The following CXADR variants were observed in gnomAD, a reference collection of about 807,000 sequenced individuals.
CXADR encodes CXADR cell adhesion molecule.
CXADR carries 20 observed loss-of-function variants against 40.3 expected under a neutral mutation model. The observed-to-expected ratio is 0.50, with a 90% CI of 0.35 to 0.72. CXADR has a LOEUF of 0.72. Ranked by LOEUF, CXADR falls within the 30% of genes least tolerant of loss-of-function variation. The probability of loss-of-function intolerance (pLI) is 0.01; values close to 1 mark genes in which losing one functional copy is unlikely to be tolerated. For missense variants in CXADR, 332 were observed against 449.1 expected (o/e 0.74, Z 2.36); for synonymous variants, 150 against 161.3 (o/e 0.93, Z 0.53).
chr21:17,624,632 A>C, the CXADR span, among the ~76,000 whole-genome samples: 6 of 152,184 alleles, frequency 3.9e-5, no homozygotes, highest in Non-Finnish European at 5.9e-5. Flanking sequence ...ATAATCTAGG[A>C]TAATCTCTTT....
Position 17,575,475 on chromosome 21 carries a change from C to T in CXADR, c.1017+9864C>T, listed in dbSNP as rs1468442728. Among the ~76,000 whole-genome samples, 13 of 144,684 alleles carry T rather than the reference C, an allele frequency of 9.0e-5. No individual in the cohort carries two copies. The Admixed American group carries it at 9.4e-4, about 10-fold the overall frequency. 94.9% of individuals were successfully genotyped at this position (144,684 alleles called of 152,430 possible). A position where few individuals can be genotyped will look rare whatever the true frequency, so the allele number is the denominator to read the frequency against. ...GGATTACAGGTGTGAGCCACCATGC[C>T]TGTCCTCAATTGTAAAATTTTTTTT... On this transcript the variant is annotated intron_variant, in intron 7 of 7. Coordinates refer to the CXADR transcript ENST00000400169.
intron 7 of CXADR, among the ~76,000 whole-genome samples, chr21:17,587,485 G>A (rs1369392119): frequency 2.0e-5 from 3 of 152,156 alleles, no homozygotes; most frequent in Non-Finnish European, 4.4e-5. Flanking sequence ...TTTCTCTGAT[G>A]GCCAGTGATG....
chr21:17,607,954 A>G, the CXADR span, among the ~76,000 whole-genome samples: 958 of 152,336 alleles, frequency 6.3e-3, 56 homozygotes, highest in East Asian at 0.13. Flanking sequence ...CTTATACAGC[A>G]GAGTACAAAA....
the CXADR span, among the ~76,000 whole-genome samples, chr21:17,603,121 T>C: frequency 6.6e-6 from 1 of 152,342 alleles, no homozygotes; most frequent in East Asian, 1.9e-4. Context: ...GTGTGTTAAA[T>C]AGGAGCCAAC....
intron 1 of CXADR, among the ~76,000 whole-genome samples, chr21:17,539,945 A>C (rs2060806181): frequency 1.3e-5 from 2 of 152,222 alleles, no homozygotes; most frequent in Admixed American, 1.3e-4. Flanking sequence ...CTGCCGTAAC[A>C]AAATGCCATA....
downstream of CXADR, among the ~76,000 whole-genome samples, chr21:17,595,991 A>G (rs1182165626): frequency 6.6e-6 from 1 of 152,010 alleles, no homozygotes; most frequent in East Asian, 1.9e-4. Flanking sequence ...AGTGTTTCAT[A>G]TGGATTTAAT....
chr21:17,559,816 C>A (rs1232373410), intron 4 of CXADR, among the ~76,000 whole-genome samples: 1 of 151,158 alleles, frequency 6.6e-6, no homozygotes, highest in East Asian at 2.0e-4. Context: ...GTAGCTGAGA[C>A]TACAGGCATG....
Position 17,569,662 on chromosome 21 carries a change from C to A in CXADR, c.*3970C>A, listed in dbSNP as rs1246846265. Reference sequence around the variant, plus strand: ...TGATCATTTATCTTATAGCAGATAACCCCAGCCTCTTATTCATTATGGTTA... The same window carrying A: ...TGATCATTTATCTTATAGCAGATAAACCCAGCCTCTTATTCATTATGGTTA... On this transcript the variant is annotated 3_prime_UTR_variant, in exon 7 of 7. Transcript: ENST00000284878. The A allele has an allele frequency of 2.1e-6, 2 of 971,628 alleles. No individual in the cohort carries two copies. The highest frequency in any genetic ancestry group is 2.4e-6 in the Non-Finnish European group (2 of 817,750). 60.2% of individuals were successfully genotyped at this position (971,628 alleles called of 1,614,324 possible).
At chr21:17,546,311 C>T (rs1321369553) in intron 1 of CXADR, among the ~76,000 whole-genome samples, 1 of 152,136 alleles carries the variant, frequency 6.6e-6, no homozygotes, top group Non-Finnish European at 1.5e-5. Context: ...ATTAATGTAG[C>T]CTTGAATTTG....
chr21:17,614,536 A>G, the CXADR span, among the ~76,000 whole-genome samples: 1 of 152,138 alleles, frequency 6.6e-6, no homozygotes, highest in African/African-American at 2.4e-5. Context: ...TGACTCCAGG[A>G]GTTCAAGACC....
At position 17,586,578 on chromosome 21, in the gene CXADR, G is replaced by C. The variant is rs77004361; in HGVS notation, c.1018-6574G>C. ...GGCCTCCCAAAGTGCTGAGATTACA[G>C]GTGTGAGTCAGCCTCTTCTCAGTAC... On this transcript the variant is annotated intron_variant, in intron 7 of 7. Transcript: ENST00000400169. Among the ~76,000 whole-genome samples, 957 of 151,504 alleles carry C rather than the reference G, an allele frequency of 6.3e-3. 57 individuals carry two copies. In the East Asian group the frequency reaches 0.13, roughly 21 times the overall value.
chr21:17,554,531 G>T (rs1016820371), intron 3 of CXADR, among the ~76,000 whole-genome samples: 5 of 152,148 alleles, frequency 3.3e-5, no homozygotes, highest in African/African-American at 1.2e-4. Flanking sequence ...GAGAAAGCAG[G>T]GAAGTGATTG....
At chr21:17,587,808 G>A (rs1302743043) in intron 7 of CXADR, among the ~76,000 whole-genome samples, 2 of 152,080 alleles carry the variant, frequency 1.3e-5, no homozygotes, top group Non-Finnish European at 2.9e-5. Flanking sequence ...TGAAGTCCTT[G>A]CCCATGCCTA....
At chr21:17,521,640 AGAG>A (rs1446708944) in intron 1 of CXADR, among the ~76,000 whole-genome samples, 1 of 152,216 alleles carries the variant, frequency 6.6e-6, no homozygotes, top group East Asian at 1.9e-4. Flanking sequence ...AAATTTTGAT[AGAG>A]GAGTGGGCAT....
intron 1 of CXADR, among the ~76,000 whole-genome samples, chr21:17,513,522 C>T (rs886384743): frequency 6.6e-6 from 1 of 152,250 alleles, no homozygotes; most frequent in Non-Finnish European, 1.5e-5. Context: ...CTCGCCGTCT[C>T]CCTTGTCAGC....
chr21:17,543,500 T>C (rs1808946996), intron 1 of CXADR, among the ~76,000 whole-genome samples: 1 of 152,148 alleles, frequency 6.6e-6, no homozygotes, highest in Non-Finnish European at 1.5e-5. Context: ...AACCCGGAAG[T>C]TTTTATTGTT....
At chr21:17,582,261 C>G (rs932012403) in intron 7 of CXADR, among the ~76,000 whole-genome samples, 34 of 152,232 alleles carry the variant, frequency 2.2e-4, no homozygotes, top group Non-Finnish European at 3.2e-4. Flanking sequence ...ATGCACCCGC[C>G]TTGGCCTCCC....
intron 1 of CXADR, among the ~76,000 whole-genome samples, chr21:17,540,341 T>C (rs1456423903): frequency 6.6e-6 from 1 of 152,216 alleles, no homozygotes; most frequent in Non-Finnish European, 1.5e-5. Context: ...TCTATTAATA[T>C]ATTTATTAGT....
intron 7 of CXADR, among the ~76,000 whole-genome samples, chr21:17,587,268 T>C (rs2061404163): frequency 6.6e-6 from 1 of 152,152 alleles, no homozygotes; most frequent in Non-Finnish European, 1.5e-5. Flanking sequence ...ATGGGATGGC[T>C]GGGTCAAATG....
Sources: gnomAD v4.1 joint callset for allele counts (sites outside exome capture counted in the v4.1 genomes callset) on GRCh38, gnomAD v4.1.1 for gene constraint, MANE v1.5 for transcripts, NCBI Gene and HGNC (gene_info 2026-07-23, HGNC 2026-07-21) for gene names.